The following SSU72 variants were observed in gnomAD, a reference collection of about 807,000 sequenced individuals.
SSU72 encodes SSU72 homolog, RNA polymerase II CTD phosphatase, also known as RNA polymerase II subunit A C-terminal domain phosphatase SSU72.
A neutral mutation model predicts 22.7 loss-of-function variants in SSU72; 12 were observed. The ratio of observed to expected loss-of-function variants is 0.53; its 90% CI spans 0.34 to 0.86. The LOEUF (loss-of-function observed/expected upper bound fraction) is 0.86. Among genes scored for constraint, SSU72 ranks in the 40% least tolerant of loss-of-function variants. The probability of loss-of-function intolerance (pLI) is 0.02; values close to 1 mark genes in which losing one functional copy is unlikely to be tolerated. For missense variants in SSU72, 151 were observed against 249.8 expected, an observed-to-expected ratio of 0.60 and a Z score of 2.67; for synonymous variants, 116 against 98.3, an observed-to-expected ratio of 1.18 and a Z score of -1.06.
chr1:1,570,733 C>T (rs1418412458), intron 1 of SSU72, among the ~76,000 whole-genome samples: 1 of 152,188 alleles, frequency 6.6e-6, no homozygotes, highest in African/African-American at 2.4e-5. Context: ...AGCTTATCCC[C>T]GATGCATGCG....
At chr1:1,545,024 C>T (rs755453967) in intron 2 of SSU72, 22 bp from the exon 3 acceptor site, 3 of 1,608,606 alleles carry the variant, frequency 1.9e-6, no homozygotes, top group Non-Finnish European at 1.7e-6. Flanking sequence ...AGTTAAGGAA[C>T]GTCAGAGAAA....
At chr1:1,546,644 C>T (rs1161133259) in intron 2 of SSU72, among the ~76,000 whole-genome samples, 1 of 151,928 alleles carries the variant, frequency 6.6e-6, no homozygotes, top group Non-Finnish European at 1.5e-5. Flanking sequence ...TGAGACCAGC[C>T]TGGCCAAGAT....
chr1:1,553,167 G>A lies in SSU72; in HGVS notation c.225-8165C>T, dbSNP rs139957523. Among the ~76,000 whole-genome samples the A allele has an allele frequency of 5.9e-5, 9 of 152,154 alleles. No homozygotes were observed. In the South Asian group the frequency reaches 6.2e-4, roughly 11 times the overall value. On this transcript the variant is annotated intron_variant, in intron 2 of 4. Transcript: ENST00000291386. The stretch of plus-strand genomic sequence containing the variant: ...TCTGCACTGTGGCCCCATGGTGTCC[G>A]GCTTCACTTGGACAGAAACCCTGGA...
chr1:1,559,822 G>A (rs1642565595), intron 2 of SSU72, among the ~76,000 whole-genome samples: 1 of 152,156 alleles, frequency 6.6e-6, no homozygotes, highest in Non-Finnish European at 1.5e-5. Flanking sequence ...CATCTCCCAG[G>A]TTCAAGTGAT....
At chr1:1,572,384 C>T (rs1301318520) in intron 1 of SSU72, among the ~76,000 whole-genome samples, 2 of 147,790 alleles carry the variant, frequency 1.4e-5, no homozygotes, top group Non-Finnish European at 1.5e-5. Flanking sequence ...GCTGAGATAG[C>T]ACCACTGCAC....
chr1:1,573,752 T>TA (rs964191822), intron 1 of SSU72, among the ~76,000 whole-genome samples: 2 of 151,964 alleles, frequency 1.3e-5, no homozygotes, highest in African/African-American at 4.8e-5. Flanking sequence ...ACTTTGGAGG[T>TA]AAAAAAGCCA....
At chr1:1,560,802 C>T (rs1052441209) in intron 2 of SSU72, 7 of 152,196 alleles carry the variant, frequency 4.6e-5, no homozygotes, top group African/African-American at 1.7e-4. Flanking sequence ...ACCTGGATAA[C>T]ACAGCAAGAC....
intron 2 of SSU72, among the ~76,000 whole-genome samples, chr1:1,557,083 T>C (rs1041200337): frequency 5.3e-5 from 8 of 152,036 alleles, no homozygotes; most frequent in African/African-American, 1.9e-4. Context: ...AACACATTCA[T>C]TTGTTTGACA....
At position 1,554,766 on chromosome 1, in the gene SSU72, G is replaced by A. The variant is rs1442852912; in HGVS notation, c.225-9764C>T. On this transcript the variant is annotated intron_variant, in intron 2 of 4. Coordinates refer to ENST00000291386, the MANE Select transcript of SSU72 (RefSeq NM_014188.3). This position sits in a 1 kb window ranked among gnomAD's most constrained non-coding sequence, Gnocchi z 4.1. ...AAAGCCATGTCAGGTGCAGCACGCTGGCCACAGGCACTGGAGCCACGAAAG... is the reference window on the plus strand; with the variant it reads ...AAAGCCATGTCAGGTGCAGCACGCTAGCCACAGGCACTGGAGCCACGAAAG... 1.3e-5 allele frequency among the ~76,000 whole-genome samples: 2 copies of A among 152,086 alleles called. No individual in the cohort carries two copies. The highest frequency in any genetic ancestry group is 2.9e-5 in the Non-Finnish European group (2 of 68,006).
At chr1:1,567,897 A>C in intron 1 of SSU72, among the ~76,000 whole-genome samples, 1 of 119,908 alleles carries the variant, frequency 8.3e-6, no homozygotes. Flanking sequence ...TGGGAAACAG[A>C]GCGATACTCT....
intron 1 of SSU72, among the ~76,000 whole-genome samples, chr1:1,574,038 GA>G (rs1557509120): frequency 6.7e-6 from 1 of 148,282 alleles, no homozygotes; most frequent in Non-Finnish European, 1.5e-5. Flanking sequence ...AAAAAAAGAA[GA>G]AGAAGTAGCA....
chr1:1,553,030 A>T (rs985927550), intron 2 of SSU72, among the ~76,000 whole-genome samples: 1 of 152,124 alleles, frequency 6.6e-6, no homozygotes, highest in Non-Finnish European at 1.5e-5. Context: ...AAAAAAAAAA[A>T]AAAAAAAAAT....
rs982686229 is a variant in SSU72 at position 1,542,114 on chromosome 1, G to C, written c.537C>G (p.Phe179Leu). ...GAAAGGTGCGGCCACTCTTCTCCTCGAACTCCTGCAGCAGCTCGTCGATCT... is the reference window on the plus strand; with the variant it reads ...GAAAGGTGCGGCCACTCTTCTCCTCCAACTCCTGCAGCAGCTCGTCGATCT... ...ENEIDELLQE[F>L]EEKSGRTFLH... is the part of the protein sequence containing the mutation. Residue 179 changes from phenylalanine (F) to leucine (L), a missense_variant, in exon 5 of 5, where the codon TTC (phenylalanine) becomes TTG (leucine). Phe to Leu is a conservative substitution (Grantham distance 22). Coordinates refer to ENST00000291386, the MANE Select transcript of SSU72 (RefSeq NM_014188.3). The surrounding 1 kb of genome is among the most constrained non-coding windows in gnomAD (Gnocchi z 4.4). The C allele has an allele frequency of 5.0e-6, 8 of 1,595,398 alleles. No individual in the cohort carries two copies. Among genetic ancestry groups the C allele is most frequent in the Non-Finnish European group, 6.8e-6 (8 of 1,171,372 alleles).
rs997281529 is a variant in SSU72 at position 1,541,789 on chromosome 1, G to T, written c.*277C>A. On this transcript the variant is annotated 3_prime_UTR_variant, in exon 5 of 5. Transcript: ENST00000291386. ...GGGAAGGCAGGCACACGAAGACACA[G>T]GTATGTCGGGAAGTGCACACAAACC... is the stretch of plus-strand genomic sequence containing the variant. 1.6e-5 allele frequency: 7 copies of T among 433,112 alleles called. No individual in the cohort carries two copies. Among genetic ancestry groups the T allele is most frequent in the Non-Finnish European group, 3.0e-5 (7 of 233,250 alleles). The allele number at this position is 433,112 out of a possible 1,614,324, so 26.8% of individuals were successfully genotyped here.
At chr1:1,546,217 G>A (rs1197934555) in intron 2 of SSU72, 2 of 152,238 alleles carry the variant, frequency 1.3e-5, no homozygotes, top group Non-Finnish European at 2.9e-5. Flanking sequence ...CTAGCTGACA[G>A]GAATTCTAAG....
intron 2 of SSU72, among the ~76,000 whole-genome samples, chr1:1,556,498 G>A (rs556282462): frequency 3.3e-5 from 5 of 152,086 alleles, no homozygotes; most frequent in Non-Finnish European, 5.9e-5. Flanking sequence ...CCAAGACCAC[G>A]CCATTGCACT....
At chr1:1,568,648 G>A (rs1220464392) in intron 1 of SSU72, among the ~76,000 whole-genome samples, 1 of 152,052 alleles carries the variant, frequency 6.6e-6, no homozygotes, top group African/African-American at 2.4e-5. Flanking sequence ...CATCAGGCGG[G>A]GCATGGTGGC....
intron 2 of SSU72, among the ~76,000 whole-genome samples, chr1:1,546,860 CAAAAAAAAAAA>C (rs1169308811): frequency 1.3e-5 from 1 of 75,152 alleles, no homozygotes; most frequent in South Asian, 5.7e-4. Context: ...ACAACAACAA[CAAAAAAAAAAA>C]AAAAAAAAAA....
rs145611793 is a variant in SSU72 at position 1,543,310 on chromosome 1, G to A, written c.483+559C>T. On this transcript the variant is annotated intron_variant, in intron 4 of 4. Transcript: ENST00000291386. ...CGTGGGGCACACCTCCGACTGCACC[G>A]CATCCCGGAGAGCTGCATGCTCTGC... 3.9e-3 allele frequency among the ~76,000 whole-genome samples: 599 copies of A among 152,320 alleles called. 5 individuals carry two copies. The highest frequency in any genetic ancestry group is 0.014 in the African/African-American group (567 of 41,572).
Sources: allele counts gnomAD v4.1 joint callset (sites outside exome capture counted in the v4.1 genomes callset), GRCh38; gene constraint gnomAD v4.1.1; non-coding constraint Gnocchi (gnomAD v3.1); transcripts MANE v1.5; gene names NCBI Gene and HGNC (gene_info 2026-07-23, HGNC 2026-07-21).